Variants in C12orf76 observed in about 807,000 individuals in gnomAD.
The protein encoded by C12orf76 is uncharacterized protein C12orf76.
In C12orf76, 6 loss-of-function variants were observed where a neutral mutation model predicts 6.8. The ratio of observed to expected loss-of-function variants is 0.88; its 90% confidence interval spans 0.48 to 1.73. The LOEUF (loss-of-function observed/expected upper bound fraction) is 1.73. Among genes scored for constraint, C12orf76 ranks in the 40% most tolerant of loss-of-function variants. C12orf76 has a pLI of 0.01. For synonymous variants in C12orf76, 56 were observed against 43.7 expected, an observed-to-expected ratio of 1.28 and a Z score of -1.11; for missense variants, 99 against 98.2, an observed-to-expected ratio of 1.01 and a Z score of -0.03.
upstream of C12orf76, chr12:110,050,878 G>A (rs999509968): frequency 3.2e-5 from 20 of 623,228 alleles, no homozygotes; most frequent in Non-Finnish European, 2.0e-5. Context: ...GGTCTGGATC[G>A]GGACCCTTTT....
At chr12:110,059,296 G>A in intron 2 of C12orf76, 1 of 1,105,362 alleles carries the variant, frequency 9.0e-7, no homozygotes, top group Non-Finnish European at 1.2e-6. Flanking sequence ...TCCATATATG[G>A]GATTGTGCCA....
chr12:110,050,810 T>C, upstream of C12orf76: 1 of 591,994 alleles, frequency 1.7e-6, no homozygotes, highest in Non-Finnish European at 3.0e-6. Context: ...TGCTTTCACT[T>C]TGCACTGTGG....
At chr12:110,052,430 C>T (rs771683448), upstream of C12orf76, among the ~76,000 whole-genome samples, 1 of 151,982 alleles carries the variant, frequency 6.6e-6, no homozygotes, top group Non-Finnish European at 1.5e-5. Flanking sequence ...CTCATGGCCT[C>T]AAGCGATTCT....
upstream of C12orf76, among the ~76,000 whole-genome samples, chr12:110,052,682 C>T (rs548917034): frequency 6.6e-6 from 1 of 152,326 alleles, no homozygotes; most frequent in East Asian, 1.9e-4. Flanking sequence ...TTAGTCCCTT[C>T]TTTCTGCCCA....
exon 2 of C12orf76, chr12:110,065,868 G>A (rs1566079225): frequency 1.9e-6 from 3 of 1,614,090 alleles, no homozygotes; most frequent in Non-Finnish European, 2.5e-6. Context: ...ACCAGGTTCT[G>A]GAACATGCTG....
chr12:110,070,245 A>G (rs1380427511), upstream of C12orf76, among the ~76,000 whole-genome samples: 2 of 148,482 alleles, frequency 1.3e-5, no homozygotes, highest in East Asian at 2.0e-4. Flanking sequence ...TTCAAAAAAA[A>G]AAAAAGAAAA....
upstream of C12orf76, chr12:110,051,433 A>T (rs1361890352): frequency 4.7e-5 from 22 of 466,690 alleles, no homozygotes; most frequent in African/African-American, 7.4e-5. Flanking sequence ...CCCCAATCTC[A>T]TTTTTTTTTT....
intron 1 of C12orf76, chr12:110,045,896 T>C (rs962289345): frequency 1.0e-4 from 19 of 189,440 alleles, no homozygotes; most frequent in African/African-American, 4.5e-4. Context: ...GCGGTGGAGG[T>C]TGCAGTGAAC....
chr12:110,048,610 G>A, upstream of C12orf76: 1 of 1,315,990 alleles, frequency 7.6e-7, no homozygotes, highest in Middle Eastern at 2.8e-4. Context: ...TCATTGCCAT[G>A]GTAACTGTGC....
At chr12:110,059,018 T>C in exon 3 of C12orf76, 1 of 1,551,258 alleles carries the variant, frequency 6.4e-7, no homozygotes, top group Non-Finnish European at 8.7e-7. Flanking sequence ...AACTGTGGTA[T>C]GAATGAAGCG....
intron 1 of C12orf76, among the ~76,000 whole-genome samples, chr12:110,072,964 AAAAAG>A (rs1892978386): frequency 6.6e-6 from 1 of 152,040 alleles, no homozygotes; most frequent in African/African-American, 2.4e-5. Context: ...AAAAAAAAGA[AAAAAG>A]AAAAGAAAAA....
At chr12:110,048,594 C>T (rs1892515944), upstream of C12orf76, 1 of 1,319,216 alleles carries the variant, frequency 7.6e-7, no homozygotes, top group East Asian at 3.1e-5. Context: ...GCCCTTAGGG[C>T]GCGCGTCATT....
At chr12:110,070,127 A>G (rs952595357), upstream of C12orf76, among the ~76,000 whole-genome samples, 49 of 151,678 alleles carry the variant, frequency 3.2e-4, no homozygotes, top group African/African-American at 1.2e-3. Flanking sequence ...GGTTCCAGCT[A>G]CTCAGGAGGT....
chr12:110,050,716 TAAA>T, upstream of C12orf76: 1 of 450,938 alleles, frequency 2.2e-6, no homozygotes, highest in Non-Finnish European at 4.0e-6. Flanking sequence ...GAAATAATCA[TAAA>T]AATGCCTAAC....
chr12:110,068,257 AAG>A (rs1227786664), upstream of C12orf76, among the ~76,000 whole-genome samples: 58 of 64,428 alleles, frequency 9.0e-4, 1 homozygote, highest in African/African-American at 3.6e-3. Flanking sequence ...AAAGAAGAAG[AAG>A]AAGAAGAAGA....
At chr12:110,045,508 C>G (rs1418913102) in intron 1 of C12orf76, among the ~76,000 whole-genome samples, 1 of 151,986 alleles carries the variant, frequency 6.6e-6, no homozygotes, top group African/African-American at 2.4e-5. Flanking sequence ...ATCACCTGAA[C>G]CAGGGAGTCG....
At chr12:110,061,692 A>G (rs1326801896) in intron 2 of C12orf76, among the ~76,000 whole-genome samples, 1 of 151,800 alleles carries the variant, frequency 6.6e-6, no homozygotes, top group Non-Finnish European at 1.5e-5. Flanking sequence ...ATCTGCCCCC[A>G]CGCTCAGCTA....
rs942292023 is a variant in C12orf76 at position 110,054,338 on chromosome 12, C to T, written n.664+2851G>A. Among the ~76,000 whole-genome samples, 3 of 152,126 alleles carry T rather than the reference C, an allele frequency of 2.0e-5. No homozygotes were observed. Among genetic ancestry groups the T allele is most frequent in the Non-Finnish European group, 4.4e-5 (3 of 68,036 alleles). On this transcript the variant is annotated intron_variant and non_coding_transcript_variant, in intron 4 of 4. Coordinates refer to the C12orf76 transcript ENST00000309050. The surrounding 1 kb of genome is among the most constrained non-coding windows in gnomAD (Gnocchi z 4.4). ...ATGGATAGGCAAAATGTGGTCTATC[C>T]ATTCAATGAGATATTATTCAGCCAT...
At chr12:110,067,566 G>A in exon 1 of C12orf76, 1 of 985,540 alleles carries the variant, frequency 1.0e-6, no homozygotes, top group Non-Finnish European at 1.2e-6. Flanking sequence ...ATGTGGTTCA[G>A]TAGGGCTCAC....
Sources: gnomAD v4.1 joint callset for allele counts (sites outside exome capture counted in the v4.1 genomes callset) on GRCh38, gnomAD v4.1.1 for gene constraint, Gnocchi (gnomAD v3.1) non-coding constraint, MANE v1.5 for transcripts, NCBI Gene and HGNC (gene_info 2026-07-23, HGNC 2026-07-21) for gene names.